AGFG1: variants seen among roughly 807,000 people sequenced by gnomAD.
AGFG1 encodes the protein arf-GAP domain and FG repeat-containing protein 1.
Under a neutral mutation model 60.6 loss-of-function variants are expected in AGFG1, and 10 were observed. That is an observed-to-expected ratio of 0.16 (90% confidence interval 0.10 to 0.28). The LOEUF is 0.28. Ranked by LOEUF, AGFG1 falls within the 10% of genes least tolerant of loss-of-function variation. The pLI, the probability that AGFG1 is intolerant of heterozygous loss-of-function variation, is 1.00. For missense variants in AGFG1, 537 were observed against 676.5 expected (o/e 0.79, Z 2.29); for synonymous variants, 247 against 242.9 (o/e 1.02, Z -0.16).
In AGFG1 at chr2:227,486,068, T is replaced by C. The variant is rs1276131041; in HGVS notation, c.168-5479T>C. Among the ~76,000 whole-genome samples the C allele has an allele frequency of 2.0e-5, 3 of 152,232 alleles. No individual in the cohort carries two copies. In the South Asian group the frequency reaches 6.2e-4, roughly 31 times the overall value. On this transcript the variant is annotated intron_variant, in intron 1 of 12. Coordinates refer to ENST00000310078, the MANE Select transcript of AGFG1 (RefSeq NM_004504.5). ...GTGTTCATGGGATCCTAGGATCCTA[T>C]GTAACCTGAAGGTATTTTATTTCCC...
chr2:227,534,111 C>T (rs937182677), intron 7 of AGFG1, among the ~76,000 whole-genome samples: 9 of 151,308 alleles, frequency 5.9e-5, no homozygotes, highest in East Asian at 1.9e-4. Context: ...ATATTTACTT[C>T]GAACAATTTT....
intron 2 of AGFG1, among the ~76,000 whole-genome samples, chr2:227,512,211 G>T (rs573316965): frequency 6.6e-6 from 1 of 152,250 alleles, no homozygotes; most frequent in Admixed American, 6.5e-5. Context: ...TAGTTACTCA[G>T]TTGCATAAGT....
chr2:227,480,006 A>G (rs1391661228), intron 1 of AGFG1, among the ~76,000 whole-genome samples: 1 of 152,234 alleles, frequency 6.6e-6, no homozygotes, highest in Non-Finnish European at 1.5e-5. Flanking sequence ...TTGACACCAT[A>G]CATGTTTTGT....
intron 8 of AGFG1, 136 bp downstream of exon 8, chr2:227,535,161 A>G (rs1160659776): frequency 2.1e-6 from 2 of 935,628 alleles, no homozygotes; most frequent in African/African-American, 1.7e-5. Flanking sequence ...AGGAATTTGA[A>G]TTTAAATGCT....
At chr2:227,497,434 A>G (rs942057467) in intron 2 of AGFG1, among the ~76,000 whole-genome samples, 4 of 152,200 alleles carry the variant, frequency 2.6e-5, no homozygotes, top group Non-Finnish European at 4.4e-5. Flanking sequence ...CATTTTACCA[A>G]TGCTGGCTTT....
chr2:227,507,303 A>G (rs944508837), intron 2 of AGFG1, among the ~76,000 whole-genome samples: 1 of 152,166 alleles, frequency 6.6e-6, no homozygotes, highest in Admixed American at 6.5e-5. Context: ...GCTGGCTCCT[A>G]CCTAACAAGG....
chr2:227,559,718 A>G lies in AGFG1; in HGVS notation c.*5223A>G, dbSNP rs1693082678. The G allele has an allele frequency of 6.6e-6, 1 of 152,180 alleles. No individual in the cohort carries two copies. Among genetic ancestry groups the G allele is most frequent in the Non-Finnish European group, 1.5e-5 (1 of 68,028 alleles). 9.4% of individuals were successfully genotyped at this position (152,180 alleles called of 1,614,324 possible). Reference sequence around the variant, plus strand: ...AATGAGAGTAAAATTTGAATTCTAAATTCTCAGCATCTTCCCTCATTCTTG... The same window carrying G: ...AATGAGAGTAAAATTTGAATTCTAAGTTCTCAGCATCTTCCCTCATTCTTG... On this transcript the variant is annotated 3_prime_UTR_variant, in exon 13 of 13. Transcript: ENST00000310078.
chr2:227,523,716 G>GA, intron 3 of AGFG1, 47 bp from the exon 4 acceptor site: 1 of 1,559,284 alleles, frequency 6.4e-7, no homozygotes, highest in Non-Finnish European at 8.8e-7. Flanking sequence ...TTTTGATATA[G>GA]AATTACCTAC....
At position 227,536,655 on chromosome 2, in the gene AGFG1, T is replaced by A; in HGVS notation, c.1236T>A (p.Ala412=). 1.9e-6 allele frequency: 3 copies of A among 1,613,932 alleles called. No homozygotes were observed. The highest frequency in any genetic ancestry group is 2.5e-6 in the Non-Finnish European group (3 of 1,179,870). Residue 412 remains alanine, a synonymous_variant, in exon 9 of 13, where the codon GCT becomes GCA. Transcript: ENST00000310078. ...TTTTTGGAACAGTGCCAGTGGTTGC[T>A]TCTGCACAGACACAGCCTGCTTCAT... ...SNVFGTVPVV[A]SAQTQPASSS...
intron 2 of AGFG1, among the ~76,000 whole-genome samples, chr2:227,504,690 A>G (rs1384658498): frequency 1.3e-5 from 2 of 152,188 alleles, no homozygotes; most frequent in South Asian, 4.1e-4. Flanking sequence ...TCTTTGACCC[A>G]TTGATTTATT....
rs574370965 is a variant in AGFG1 at position 227,486,990 on chromosome 2, T to G, written c.168-4557T>G. 9.2e-5 allele frequency among the ~76,000 whole-genome samples: 14 copies of G among 152,258 alleles called. No homozygotes were observed. In the South Asian group the frequency reaches 2.7e-3, roughly 29 times the overall value. ...ATTATCCAACCCAAAATGTCAATAG[T>G]GTCAAAGTTAAGAAGCCTTGATTTA... On this transcript the variant is annotated intron_variant, in intron 1 of 12. Coordinates refer to ENST00000310078, the MANE Select transcript of AGFG1 (RefSeq NM_004504.5).
intron 2 of AGFG1, among the ~76,000 whole-genome samples, chr2:227,511,674 T>A (rs1691501793): frequency 6.6e-6 from 1 of 152,162 alleles, no homozygotes; most frequent in South Asian, 2.1e-4. Context: ...GTGCATACAT[T>A]TGAGGGCTGT....
chr2:227,519,339 G>A (rs546927478), intron 2 of AGFG1, among the ~76,000 whole-genome samples: 2 of 152,026 alleles, frequency 1.3e-5, no homozygotes, highest in African/African-American at 2.4e-5. Flanking sequence ...TTTTTATTTT[G>A]ATGAAGTCTG....
chr2:227,544,003 C>G (rs990763526), intron 10 of AGFG1, among the ~76,000 whole-genome samples: 2 of 151,864 alleles, frequency 1.3e-5, no homozygotes, highest in South Asian at 4.1e-4. Flanking sequence ...GCAACCTCTG[C>G]TTTTTTTTGT....
chr2:227,501,795 T>C (rs535054260), intron 2 of AGFG1, among the ~76,000 whole-genome samples: 1 of 152,264 alleles, frequency 6.6e-6, no homozygotes, highest in African/African-American at 2.4e-5. Flanking sequence ...TGAGGCACTG[T>C]TTTGTTTTTT....
intron 2 of AGFG1, among the ~76,000 whole-genome samples, chr2:227,500,787 A>ATT (rs201024268): frequency 6.9e-6 from 1 of 145,720 alleles, no homozygotes; most frequent in African/African-American, 2.6e-5. Context: ...ATTAAATTAA[A>ATT]TTAAAAAAAA....
intron 3 of AGFG1, among the ~76,000 whole-genome samples, chr2:227,523,051 C>G (rs1267759598): frequency 6.6e-6 from 1 of 152,154 alleles, no homozygotes; most frequent in Non-Finnish European, 1.5e-5. Context: ...TGGTTAACAT[C>G]CATGTGTACA....
At chr2:227,507,760 G>GC (rs145040267) in intron 2 of AGFG1, among the ~76,000 whole-genome samples, 2,813 of 151,882 alleles carry the variant, frequency 0.019, 86 homozygotes, top group African/African-American at 0.064. Flanking sequence ...TAGATATGGT[G>GC]CACCACCATT....
At chr2:227,473,470 C>G (rs934799980) in intron 1 of AGFG1, among the ~76,000 whole-genome samples, 5 of 152,164 alleles carry the variant, frequency 3.3e-5, no homozygotes, top group African/African-American at 1.2e-4. Flanking sequence ...ATGAGGAGAG[C>G]TAGCAAGTCA....
Sources: allele counts gnomAD v4.1 joint callset (sites outside exome capture counted in the v4.1 genomes callset), GRCh38; gene constraint gnomAD v4.1.1; transcripts MANE v1.5; gene names NCBI Gene and HGNC (gene_info 2026-07-23, HGNC 2026-07-21).